The following CACNA2D3 variants were observed in gnomAD, a reference collection of about 807,000 sequenced individuals.
The protein encoded by CACNA2D3 is voltage-dependent calcium channel subunit alpha-2/delta-3.
In CACNA2D3, 60 loss-of-function variants were observed where a neutral mutation model predicts 160.6. The observed-to-expected ratio is 0.37, with a 90% CI of 0.30 to 0.46. CACNA2D3 has a LOEUF of 0.46. Ranked by LOEUF, CACNA2D3 falls within the 20% of genes least tolerant of loss-of-function variation. The probability of loss-of-function intolerance (pLI) is 1.00; values close to 1 mark genes in which losing one functional copy is unlikely to be tolerated. For missense variants in CACNA2D3, 1,205 were observed against 1,365.0 expected (o/e 0.88, Z 1.85); for synonymous variants, 558 against 492.9 (o/e 1.13, Z -1.75).
intron 11 of CACNA2D3, among the ~76,000 whole-genome samples, chr3:54,734,308 A>G (rs1701453079): frequency 6.6e-6 from 1 of 152,212 alleles, no homozygotes; most frequent in Admixed American, 6.5e-5. Context: ...TTAAGTCAGG[A>G]CATGCATATC....
chr3:54,972,588 C>T (rs1054227025), intron 29 of CACNA2D3, among the ~76,000 whole-genome samples: 6 of 152,172 alleles, frequency 3.9e-5, no homozygotes, highest in African/African-American at 1.4e-4. Context: ...TGACCTGGCC[C>T]AACTCCCTCG....
chr3:54,391,491 G>GCTTTCTTT (rs569183232), intron 4 of CACNA2D3, among the ~76,000 whole-genome samples: 132 of 150,106 alleles, frequency 8.8e-4, no homozygotes, highest in African/African-American at 3.0e-3. Context: ...TGGCGGGGTG[G>GCTTTCTTT]CTTTCTTTCT....
Position 54,235,030 on chromosome 3 carries a change from C to G in CACNA2D3, c.205-85412C>G, listed in dbSNP as rs533382333. On this transcript the variant is annotated intron_variant, in intron 2 of 37. Transcript: ENST00000474759. The stretch of plus-strand genomic sequence containing the variant: ...CTAAAATAAAAGTTAAAAAAAATTC[C>G]CGTCTTCCAGATCTTGGTTTCTAAT... 1.6e-4 allele frequency among the ~76,000 whole-genome samples: 24 copies of G among 152,204 alleles called. No individual in the cohort carries two copies. The East Asian group carries it at 1.7e-3, about 11-fold the overall frequency.
At chr3:55,033,024 G>A (rs1703714064) in intron 35 of CACNA2D3, among the ~76,000 whole-genome samples, 2 of 152,014 alleles carry the variant, frequency 1.3e-5, no homozygotes, top group African/African-American at 2.4e-5. Context: ...TTAAAAACAA[G>A]TATCTGTTTT....
intron 2 of CACNA2D3, among the ~76,000 whole-genome samples, chr3:54,207,751 G>T (rs1393810020): frequency 6.6e-5 from 10 of 152,274 alleles, no homozygotes; most frequent in African/African-American, 2.4e-4. Flanking sequence ...CTTATGGCAG[G>T]AGGGGAAAGT....
At chr3:54,897,693 A>T (rs1321423206) in intron 26 of CACNA2D3, among the ~76,000 whole-genome samples, 2 of 152,166 alleles carry the variant, frequency 1.3e-5, no homozygotes, top group African/African-American at 4.8e-5. Flanking sequence ...TCCTAACTCA[A>T]TCCTAAGGGA....
At chr3:54,186,189 AGCTT>A (rs2107329331) in intron 2 of CACNA2D3, among the ~76,000 whole-genome samples, 1 of 152,260 alleles carries the variant, frequency 6.6e-6, no homozygotes, top group East Asian at 1.9e-4. Flanking sequence ...ACTCACTGTG[AGCTT>A]GGTGAATGAA....
chr3:55,022,489 A>G (rs968091389), intron 35 of CACNA2D3, among the ~76,000 whole-genome samples: 1 of 151,882 alleles, frequency 6.6e-6, no homozygotes, highest in Non-Finnish European at 1.5e-5. Context: ...CCATCATTTT[A>G]TATGCTCTTA....
At chr3:55,061,845 A>G (rs11130450) in intron 35 of CACNA2D3, among the ~76,000 whole-genome samples, 18,895 of 152,180 alleles carry the variant, frequency 0.12, 2,115 homozygotes, top group East Asian at 0.28. Context: ...CCTGGACAGG[A>G]CTAGCTCCTC....
At chr3:54,759,247 T>G (rs2107083512) in intron 12 of CACNA2D3, among the ~76,000 whole-genome samples, 1 of 152,300 alleles carries the variant, frequency 6.6e-6, no homozygotes, top group East Asian at 1.9e-4. Flanking sequence ...TGATTCTGTT[T>G]TCTTACATGA....
intron 4 of CACNA2D3, among the ~76,000 whole-genome samples, chr3:54,463,546 T>G (rs1046660238): frequency 6.6e-6 from 1 of 152,236 alleles, no homozygotes; most frequent in Non-Finnish European, 1.5e-5. Context: ...ACTGATACCC[T>G]TTCTTCCAGT....
At chr3:54,290,224 C>T (rs188262034) in intron 2 of CACNA2D3, among the ~76,000 whole-genome samples, 46 of 152,274 alleles carry the variant, frequency 3.0e-4, no homozygotes, top group Middle Eastern at 3.4e-3. Flanking sequence ...AAAAAACAAA[C>T]AGCCCCATCA....
chr3:54,148,715 G>A (rs1178985394), intron 2 of CACNA2D3, among the ~76,000 whole-genome samples: 2 of 152,238 alleles, frequency 1.3e-5, no homozygotes, highest in Admixed American at 6.5e-5. Context: ...GGTGGCTCAC[G>A]CCTGTATTCC....
At chr3:54,276,340 G>A (rs570198248) in intron 2 of CACNA2D3, among the ~76,000 whole-genome samples, 2 of 152,190 alleles carry the variant, frequency 1.3e-5, no homozygotes, top group East Asian at 1.9e-4. Flanking sequence ...AAGCTGAGGC[G>A]GGCAGATCAC....
chr3:54,701,778 GAATA>G (rs1700771512), intron 11 of CACNA2D3, among the ~76,000 whole-genome samples: 1 of 152,098 alleles, frequency 6.6e-6, no homozygotes, highest in Non-Finnish European at 1.5e-5. Flanking sequence ...AAATGAGTCT[GAATA>G]GCCAAAGCAA....
rs191922750 is a variant in CACNA2D3 at position 54,657,262 on chromosome 3, G to A, written c.1167+15021G>A. On this transcript the variant is annotated intron_variant, in intron 11 of 37. Coordinates refer to ENST00000474759, the MANE Select transcript of CACNA2D3 (RefSeq NM_018398.3). Reference sequence around the variant, plus strand: ...GGATGTGTACGTGCAGGTCACAGGGGATATGATGGCTTAGCTTGGGCTCAG... The same window carrying A: ...GGATGTGTACGTGCAGGTCACAGGGAATATGATGGCTTAGCTTGGGCTCAG... 2.4e-4 allele frequency among the ~76,000 whole-genome samples: 37 copies of A among 152,266 alleles called. 1 individual carries two copies. In the East Asian group the frequency reaches 5.0e-3, roughly 21 times the overall value.
At chr3:55,021,691 ATG>A (rs1491085787) in intron 35 of CACNA2D3, among the ~76,000 whole-genome samples, 2 of 131,490 alleles carry the variant, frequency 1.5e-5, no homozygotes, top group African/African-American at 6.1e-5. Context: ...ATATATATAT[ATG>A]TGTGTATATA....
At chr3:54,969,903 T>C in intron 29 of CACNA2D3, 59 bp downstream of exon 29, 1 of 1,477,072 alleles carries the variant, frequency 6.8e-7, no homozygotes, top group Non-Finnish European at 9.4e-7. Context: ...CAGATGGTGC[T>C]TTATGACCGA....
chr3:54,179,695 G>A (rs1047072514), intron 2 of CACNA2D3, among the ~76,000 whole-genome samples: 1 of 152,184 alleles, frequency 6.6e-6, no homozygotes, highest in Non-Finnish European at 1.5e-5. Flanking sequence ...GAGCTAATTA[G>A]GTCAGAAAGG....
Sources: allele counts gnomAD v4.1 joint callset (sites outside exome capture counted in the v4.1 genomes callset), GRCh38; gene constraint gnomAD v4.1.1; transcripts MANE v1.5; gene names NCBI Gene and HGNC (gene_info 2026-07-23, HGNC 2026-07-21).